The following RYR1 variants were observed in gnomAD, a reference collection of about 807,000 sequenced individuals.
The protein encoded by RYR1 is central core disease of muscle.
RYR1 carries 342 observed loss-of-function variants against 583.5 expected under a neutral mutation model. The ratio of observed to expected loss-of-function variants is 0.59; its 90% CI spans 0.54 to 0.64. The LOEUF (loss-of-function observed/expected upper bound fraction) is 0.64. RYR1 is among the 30% of genes least tolerant of loss of function. The probability of loss-of-function intolerance (pLI) is 0.00; values close to 1 mark genes in which losing one functional copy is unlikely to be tolerated. For synonymous variants in RYR1, 2,791 were observed against 2,822.5 expected (o/e 0.99, Z 0.35); for missense variants, 6,032 against 6,917.2 (o/e 0.87, Z 4.54).
At chr19:38,551,782 G>A (rs1031538590) in intron 89 of RYR1, among the ~76,000 whole-genome samples, 2 of 151,976 alleles carry the variant, frequency 1.3e-5, no homozygotes, top group Non-Finnish European at 2.9e-5. Context: ...ACATCCTTCG[G>A]ACCCTGCCTC....
At position 38,548,257 on chromosome 19, in the gene RYR1, C is replaced by T; in HGVS notation, c.12119C>T (p.Ala4040Val). 1 of 1,614,226 alleles carries T rather than the reference C, an allele frequency of 6.2e-7. No individual in the cohort carries two copies. The highest frequency in any genetic ancestry group is 1.1e-5 in the South Asian group (1 of 91,088). Residue 4040 changes from alanine (A) to valine (V), a missense_variant, in exon 89 of 106, where the codon GCC becomes GTC. Ala to Val is a moderately conservative substitution (Grantham distance 64, BLOSUM62 0). Transcript: ENST00000359596. ...GGGAACGTGGTGAACGGCATGATCG[C>T]CCGGCAGATGGTGGACATGCTCGTG... ...LEGNVVNGMI[A>V]RQMVDMLVES...
At position 38,433,890 on chromosome 19, in the gene RYR1, T is replaced by C; in HGVS notation, c.45+16T>C. The C allele has an allele frequency of 6.2e-7, 1 of 1,610,964 alleles. No individual in the cohort carries two copies. Among genetic ancestry groups the C allele is most frequent in the Non-Finnish European group, 8.5e-7 (1 of 1,177,338 alleles). The stretch of plus-strand genomic sequence containing the variant: ...CCTGCGGACGGTGCGTATCTCTGGG[T>C]TAGGGGCCTGTGGGGCTATCTCTTG... On this transcript the variant is annotated intron_variant, in intron 1 of 105. Coordinates refer to ENST00000359596, the MANE Select transcript of RYR1 (RefSeq NM_000540.3).
rs1402523932 is a variant in RYR1, at chr19:38,433,981, C to G, written c.45+107C>G. On this transcript the variant is annotated intron_variant, in intron 1 of 105. Transcript: ENST00000359596. ...CGGCTTGCTGGTGGTCTCTGAGACT[C>G]GAGGTCTCTTCCTATGTCACTTTGA... 1.2e-5 allele frequency: 11 copies of G among 943,196 alleles called. No individual in the cohort carries two copies. The Admixed American group carries it at 1.9e-4, about 16-fold the overall frequency. The allele number at this position is 943,196 out of a possible 1,614,324, so 58.4% of individuals were successfully genotyped here.
At chr19:38,471,056 C>T (rs1040678131) in intron 27 of RYR1, among the ~76,000 whole-genome samples, 2 of 152,164 alleles carry the variant, frequency 1.3e-5, no homozygotes, top group African/African-American at 2.4e-5. Flanking sequence ...TAGAAGAAGC[C>T]GGAGACAAGA....
rs1386408853 is a variant in RYR1 at position 38,536,021 on chromosome 19, G to A, written c.11541G>A (p.Glu3847=). ...TCSVLDLNAF[E]RQNKAEGLGM... is the part of the protein sequence containing the mutation. ...GCGTCCTGGATCTCAATGCCTTTGAGAGACAGAACAAGGCCGAGGGGCTGG... is the reference window on the plus strand; with the variant it reads ...GCGTCCTGGATCTCAATGCCTTTGAAAGACAGAACAAGGCCGAGGGGCTGG... The change falls in exon 82 of 106, where the codon GAG becomes GAA. Residue 3847 remains glutamate (E), a synonymous_variant. Coordinates refer to ENST00000359596, the MANE Select transcript of RYR1 (RefSeq NM_000540.3). 1.2e-6 allele frequency: 2 copies of A among 1,613,958 alleles called. No homozygotes were observed. Among genetic ancestry groups the A allele is most frequent in the South Asian group, 1.1e-5 (1 of 91,020 alleles).
rs527738921 is a variant in RYR1, at chr19:38,586,520, C to G, written c.14970-5C>G. The G allele has an allele frequency of 4.3e-6, 7 of 1,613,922 alleles. No homozygotes were observed. The highest frequency in any genetic ancestry group is 4.5e-5 in the East Asian group (2 of 44,888). Reference sequence around the variant, plus strand: ...ACTTGTCTCCTGTGGTCCTCTCACCCTCAGGTTTTTCCTGATGTATTTGAT... The same window carrying G: ...ACTTGTCTCCTGTGGTCCTCTCACCGTCAGGTTTTTCCTGATGTATTTGAT... On this transcript the variant is annotated splice_region_variant and splice_polypyrimidine_tract_variant and intron_variant, in intron 104 of 105. Transcript: ENST00000359596.
chr19:38,442,425 T>A lies in RYR1; in HGVS notation c.242T>A (p.Leu81Gln), dbSNP rs1317843476. ...TCTGTGCGAGCCCTGCAGGAGATGC[T>A]GGCTAACACGGTGGAGGCTGGCGTG... is the stretch of plus-strand genomic sequence containing the variant. ...SLSVRALQEM[L>Q]ANTVEAGVES... The change falls in exon 3 of 106, where the codon CTG (leucine) becomes CAG (glutamine). Residue 81 changes from leucine (L) to glutamine (Q), a missense_variant. Coordinates refer to ENST00000359596, the MANE Select transcript of RYR1 (RefSeq NM_000540.3). 2 of 1,612,984 alleles carry A rather than the reference T, an allele frequency of 1.2e-6. No homozygotes were observed. Among genetic ancestry groups the A allele is most frequent in the Non-Finnish European group, 1.7e-6 (2 of 1,179,468 alleles).
Position 38,502,595 on chromosome 19 carries a change from T to G in RYR1, c.7703T>G (p.Leu2568Arg), listed in dbSNP as rs1001702982. ...VLPLITKCAP[L>R]FAGTEHRAIM... ...CCGCTCATCACCAAGTGTGCGCCGC[T>G]CTTTGCGGGCACAGAACACCGCGCC... Residue 2568 changes from leucine (L) to arginine (R), a missense_variant, in exon 48 of 106, where the codon CTC becomes CGC. Leu to Arg is a moderately radical substitution (Grantham distance 102). This residue lies in a region of RYR1 where 250 missense variants were observed against 162.3 expected (regional missense o/e 1.54). Coordinates refer to ENST00000359596, the MANE Select transcript of RYR1 (RefSeq NM_000540.3). The G allele has an allele frequency of 1.2e-6, 2 of 1,612,394 alleles. No homozygotes were observed. Among genetic ancestry groups the G allele is most frequent in the Non-Finnish European group, 1.7e-6 (2 of 1,179,868 alleles).
chr19:38,577,899 C>T lies in RYR1; in HGVS notation c.14173-19C>T. On this transcript the variant is annotated intron_variant, in intron 97 of 105. Transcript: ENST00000359596. Reference sequence around the variant, plus strand: ...CACACTCCAGCTGTGTCTACACAGCCTGATGCTCTCTTGTGCAGGTCCTGG... The same window carrying T: ...CACACTCCAGCTGTGTCTACACAGCTTGATGCTCTCTTGTGCAGGTCCTGG... 1 of 1,614,050 alleles carries T rather than the reference C, an allele frequency of 6.2e-7. No individual in the cohort carries two copies. Among genetic ancestry groups the T allele is most frequent in the East Asian group, 2.2e-5 (1 of 44,882 alleles).
chr19:38,483,362 C>T lies in RYR1; in HGVS notation c.4780C>T (p.Leu1594=), dbSNP rs1969111699. 6.4e-7 allele frequency: 1 copy of T among 1,563,072 alleles called. No individual in the cohort carries two copies. Among genetic ancestry groups the T allele is most frequent in the African/African-American group, 1.4e-5 (1 of 73,956 alleles). Residue 1594 remains leucine (L), a synonymous_variant, in exon 33 of 106, where the codon CTG becomes TTG. Transcript: ENST00000359596. This position sits in a 1 kb window ranked among gnomAD's most constrained non-coding sequence, Gnocchi z 6.3. ...CCCGGCCCCGCAGTGCCCACCGCGG[C>T]TGGAGATGCAGATGCTGATGCCAGT... ...KNPAPQCPPR[L]EMQMLMPVSW...
intron 28 of RYR1, among the ~76,000 whole-genome samples, chr19:38,474,550 A>T (rs181407750): frequency 0.013 from 1,721 of 129,866 alleles, 35 homozygotes; most frequent in African/African-American, 0.048. Context: ...GACATGAGCT[A>T]CCACGCCCGG....
intron 20 of RYR1, among the ~76,000 whole-genome samples, chr19:38,462,059 GAAGA>G (rs973382786): frequency 2.4e-4 from 36 of 152,110 alleles, no homozygotes; most frequent in African/African-American, 7.5e-4. Flanking sequence ...CATCTCAAAA[GAAGA>G]AAGAAAGAAA....
chr19:38,505,763 C>G, intron 53 of RYR1, 43 bp from the exon 54 acceptor site: 1 of 1,613,386 alleles, frequency 6.2e-7, no homozygotes, highest in Non-Finnish European at 8.5e-7. Flanking sequence ...CCACCCCTCT[C>G]TCATCCCATT....
rs1380871200 is a variant in RYR1 at position 38,457,553 on chromosome 19, C to T, written c.1848C>T (p.Asn616=). Residue 616 remains asparagine (N), a synonymous_variant, in exon 17 of 106, where the codon AAC becomes AAT. Transcript: ENST00000359596. ...CVCNGVAVRS[N]QDLITENLLP... Reference sequence around the variant, plus strand: ...GTAATGGTGTGGCTGTACGCTCCAACCAAGATCTTATTACTGAGAACTTGC... The same window carrying T: ...GTAATGGTGTGGCTGTACGCTCCAATCAAGATCTTATTACTGAGAACTTGC... 1 of 1,614,138 alleles carries T rather than the reference C, an allele frequency of 6.2e-7. No homozygotes were observed. Among genetic ancestry groups the T allele is most frequent in the South Asian group, 1.1e-5 (1 of 91,084 alleles).
At position 38,459,229 on chromosome 19, in the gene RYR1, G is replaced by A. The variant is rs767667578; in HGVS notation, c.2251G>A (p.Val751Met). 49 of 1,613,950 alleles carry A rather than the reference G, an allele frequency of 3.0e-5. No individual in the cohort carries two copies. The South Asian group carries it at 4.4e-4, about 14-fold the overall frequency. ...GATCAGCTGCTGCCTGGACCTCAGC[G>A]TGCCGTCCATCTCCTTCCGCATCAA... ...DVISCCLDLS[V>M]PSISFRINGC... is the part of the protein sequence containing the mutation. The change falls in exon 19 of 106, where the codon GTG becomes ATG. Residue 751 changes from valine (V) to methionine (M), a missense_variant. Coordinates refer to ENST00000359596, the MANE Select transcript of RYR1 (RefSeq NM_000540.3).
At position 38,452,865 on chromosome 19, in the gene RYR1, G is replaced by A. The variant is rs768357333; in HGVS notation, c.1291G>A (p.Ala431Thr). Reference protein sequence around the residue: ...SGKPRGSGPPAGTALPIEGVI... With the variant: ...SGKPRGSGPPTGTALPIEGVI... ...GAAGCCACGGGGCTCGGGGCCACCC[G>A]CTGGCACGGCGCTGCCCATCGAGGG... The change falls in exon 13 of 106, where the codon GCT (alanine) becomes ACT (threonine). Residue 431 changes from alanine (A) to threonine (T), a missense_variant. Transcript: ENST00000359596. 5 of 1,609,088 alleles carry A rather than the reference G, an allele frequency of 3.1e-6. No individual in the cohort carries two copies. The highest frequency in any genetic ancestry group is 4.2e-6 in the Non-Finnish European group (5 of 1,177,780).
intron 49 of RYR1, among the ~76,000 whole-genome samples, chr19:38,503,511 G>A (rs1444351531): frequency 6.6e-6 from 1 of 152,090 alleles, no homozygotes; most frequent in East Asian, 1.9e-4. Flanking sequence ...GGTGGCTCAC[G>A]CCTGTAATCC....
In RYR1 at chr19:38,502,698, C is replaced by A. The variant is rs1487018944; in HGVS notation, c.7806C>A (p.Val2602=). ...GRSLTKAQRD[V]IEDCLMSLCR... ...CGCTCACCAAGGCGCAGCGTGACGT[C>A]ATCGAGGACTGCCTCATGTCGCTCT... Residue 2602 remains valine (V), a synonymous_variant, in exon 48 of 106, where the codon GTC becomes GTA. Coordinates refer to ENST00000359596, the MANE Select transcript of RYR1 (RefSeq NM_000540.3). 2 of 1,594,806 alleles carry A rather than the reference C, an allele frequency of 1.3e-6. No individual in the cohort carries two copies. The highest frequency in any genetic ancestry group is 1.7e-6 in the Non-Finnish European group (2 of 1,172,472).
At position 38,490,151 on chromosome 19, in the gene RYR1, C is replaced by A; in HGVS notation, c.5890C>A (p.Arg1964Ser). The A allele has an allele frequency of 1.2e-6, 2 of 1,614,224 alleles. No individual in the cohort carries two copies. The highest frequency in any genetic ancestry group is 1.7e-6 in the Non-Finnish European group (2 of 1,180,044). The change falls in exon 36 of 106, where the codon CGC (arginine) becomes AGC (serine). Residue 1964 changes from arginine (R) to serine (S), a missense_variant. Around this residue, in one of 11 missense-constraint regions of RYR1, gnomAD observed 2,627 missense variants for 2,961.3 expected, o/e 0.89. Coordinates refer to ENST00000359596, the MANE Select transcript of RYR1 (RefSeq NM_000540.3). Reference protein sequence around the residue: ...RVESLAAFAERYVDKLQANQR... With the variant: ...RVESLAAFAESYVDKLQANQR... ...GGAGTCCCTGGCAGCCTTTGCGGAGCGCTATGTGGACAAGCTCCAGGCCAA... is the reference window on the plus strand; with the variant it reads ...GGAGTCCCTGGCAGCCTTTGCGGAGAGCTATGTGGACAAGCTCCAGGCCAA...
Sources: allele counts gnomAD v4.1 joint callset (sites outside exome capture counted in the v4.1 genomes callset), GRCh38; gene constraint gnomAD v4.1.1; regional missense constraint gnomAD v4.1.1; non-coding constraint Gnocchi (gnomAD v3.1); transcripts MANE v1.5; gene names NCBI Gene and HGNC (gene_info 2026-07-23, HGNC 2026-07-21).